Variants in ASTN2 observed in about 807,000 individuals in gnomAD.
ASTN2 encodes the protein astrotactin 2.
ASTN2 carries 54 observed loss-of-function variants against 139.8 expected under a neutral mutation model. That is an observed-to-expected ratio of 0.39 (90% CI 0.31 to 0.48). The LOEUF (loss-of-function observed/expected upper bound fraction) is 0.48. ASTN2 is among the 20% of genes least tolerant of loss of function. ASTN2 has a pLI of 0.95. For missense variants in ASTN2, 1,565 were observed against 1,725.1 expected, an observed-to-expected ratio of 0.91 and a Z score of 1.64; for synonymous variants, 756 against 719.5, an observed-to-expected ratio of 1.05 and a Z score of -0.81.
At chr9:116,974,003 A>G (rs931922146) in intron 10 of ASTN2, among the ~76,000 whole-genome samples, 11 of 152,206 alleles carry the variant, frequency 7.2e-5, no homozygotes, top group African/African-American at 2.7e-4. Flanking sequence ...AGAAATACTG[A>G]TAGCATTGTG....
At chr9:116,632,128 AAGAG>A (rs145360209) in intron 17 of ASTN2, among the ~76,000 whole-genome samples, 993 of 47,780 alleles carry the variant, frequency 0.021, 49 homozygotes, top group African/African-American at 0.043. Context: ...AAAGAAAAAG[AAGAG>A]AGAGAGAGAG....
chr9:117,264,820 A>T (rs768470078), intron 2 of ASTN2, among the ~76,000 whole-genome samples: 1 of 152,202 alleles, frequency 6.6e-6, no homozygotes, highest in Non-Finnish European at 1.5e-5. Context: ...GGGAAGTAAA[A>T]ACGTTCCCTT....
intron 4 of ASTN2, among the ~76,000 whole-genome samples, chr9:117,116,219 T>C (rs1206939856): frequency 6.6e-6 from 1 of 151,848 alleles, no homozygotes. Flanking sequence ...GGTCAGGATG[T>C]GAGATTAGGG....
chr9:117,006,259 T>C (rs1014823638), intron 7 of ASTN2, among the ~76,000 whole-genome samples: 1 of 152,158 alleles, frequency 6.6e-6, no homozygotes, highest in Non-Finnish European at 1.5e-5. Context: ...CCATTCTCCA[T>C]TGATGTTTAG....
At chr9:116,467,468 T>C (rs1003445414) in intron 20 of ASTN2, among the ~76,000 whole-genome samples, 3 of 152,206 alleles carry the variant, frequency 2.0e-5, no homozygotes, top group East Asian at 1.9e-4. Flanking sequence ...GGTTTCACCA[T>C]GTTGGCCAGG....
intron 1 of ASTN2, among the ~76,000 whole-genome samples, chr9:117,399,077 C>T (rs942274211): frequency 8.5e-5 from 13 of 152,260 alleles, no homozygotes; most frequent in African/African-American, 2.4e-4. Context: ...AGCCACCGCG[C>T]CTGACCCAAA....
intron 1 of ASTN2, among the ~76,000 whole-genome samples, chr9:117,293,136 C>A (rs1462651014): frequency 6.6e-6 from 1 of 152,102 alleles, no homozygotes; most frequent in Non-Finnish European, 1.5e-5. Context: ...CCATCCTTGA[C>A]AGCTTGCTTT....
chr9:117,044,899 C>T (rs1838686867), intron 5 of ASTN2, among the ~76,000 whole-genome samples: 1 of 152,186 alleles, frequency 6.6e-6, no homozygotes, highest in African/African-American at 2.4e-5. Flanking sequence ...TCCATCATTT[C>T]CATTTTACAG....
At chr9:117,385,650 G>T (rs1184337255) in intron 1 of ASTN2, among the ~76,000 whole-genome samples, 1 of 152,062 alleles carries the variant, frequency 6.6e-6, no homozygotes, top group Non-Finnish European at 1.5e-5. Context: ...GGACTGTTCA[G>T]CTCAAGCAAG....
intron 4 of ASTN2, among the ~76,000 whole-genome samples, chr9:117,106,816 A>G (rs1829118059): frequency 6.6e-6 from 1 of 152,088 alleles, no homozygotes; most frequent in South Asian, 2.1e-4. Context: ...CTATCTATAT[A>G]CCGATACATT....
chr9:116,534,151 A>T (rs1187973299), intron 19 of ASTN2, among the ~76,000 whole-genome samples: 1 of 152,080 alleles, frequency 6.6e-6, no homozygotes, highest in Non-Finnish European at 1.5e-5. Flanking sequence ...ATCTGTGTAG[A>T]GTTGTCTCTA....
At chr9:116,966,469 G>T (rs186790064) in intron 10 of ASTN2, among the ~76,000 whole-genome samples, 1 of 152,210 alleles carries the variant, frequency 6.6e-6, no homozygotes, top group African/African-American at 2.4e-5. Context: ...ACAGAAATTT[G>T]GTGCTGAACA....
chr9:117,259,253 C>T (rs1019168562), intron 2 of ASTN2, among the ~76,000 whole-genome samples: 5 of 152,266 alleles, frequency 3.3e-5, no homozygotes, highest in Non-Finnish European at 7.4e-5. Flanking sequence ...AGATTAAAAG[C>T]ATGTATTCAC....
At chr9:116,569,289 T>C (rs1853392354) in intron 19 of ASTN2, among the ~76,000 whole-genome samples, 1 of 152,190 alleles carries the variant, frequency 6.6e-6, no homozygotes, top group South Asian at 2.1e-4. Context: ...TGTGTGAAAA[T>C]GACAAATATA....
chr9:116,483,799 T>G (rs910326154), intron 20 of ASTN2, among the ~76,000 whole-genome samples: 1 of 152,154 alleles, frequency 6.6e-6, no homozygotes, highest in Non-Finnish European at 1.5e-5. Flanking sequence ...TAGGATCTCA[T>G]GCACCTTGAT....
intron 3 of ASTN2, among the ~76,000 whole-genome samples, chr9:117,197,649 G>A (rs556886856): frequency 6.6e-5 from 10 of 152,104 alleles, no homozygotes; most frequent in African/African-American, 1.7e-4. Context: ...GTATGTTATG[G>A]CTATATTGGA....
chr9:116,937,594 G>A (rs1447393235), intron 10 of ASTN2, among the ~76,000 whole-genome samples: 2 of 152,138 alleles, frequency 1.3e-5, no homozygotes, highest in Non-Finnish European at 2.9e-5. Context: ...TCTATTGGTT[G>A]AATGAATAAA....
intron 2 of ASTN2, among the ~76,000 whole-genome samples, chr9:117,269,371 A>T (rs1834010045): frequency 6.6e-6 from 1 of 152,204 alleles, no homozygotes; most frequent in African/African-American, 2.4e-5. Context: ...GCATTTCCCC[A>T]AACGCAAGAG....
chr9:116,679,521 A>C (rs1588182466), intron 16 of ASTN2, among the ~76,000 whole-genome samples: 1 of 152,182 alleles, frequency 6.6e-6, no homozygotes, highest in African/African-American at 2.4e-5. Flanking sequence ...ATTATGTTAA[A>C]TGACTGTGTG....
Sources: allele counts gnomAD v4.1 joint callset (sites outside exome capture counted in the v4.1 genomes callset), GRCh38; gene constraint gnomAD v4.1.1; transcripts MANE v1.5; gene names NCBI Gene and HGNC (gene_info 2026-07-23, HGNC 2026-07-21).